ADAM22: variants seen among roughly 807,000 people sequenced by gnomAD.
The protein encoded by ADAM22 is ADAM metallopeptidase domain 22, also known as disintegrin and metalloproteinase domain-containing protein 22.
In ADAM22, 65 loss-of-function variants were observed where a neutral mutation model predicts 144.6. That is an observed-to-expected ratio of 0.45 (90% CI 0.37 to 0.55). ADAM22 has a LOEUF of 0.55. ADAM22 is among the 20% of genes least tolerant of loss of function. The pLI is 0.00. For synonymous variants in ADAM22, 391 were observed against 412.6 expected (o/e 0.95, Z 0.63); for missense variants, 974 against 1,184.9 (o/e 0.82, Z 2.61).
intron 3 of ADAM22, among the ~76,000 whole-genome samples, chr7:88,009,701 C>T (rs948145070): frequency 9.2e-5 from 14 of 152,154 alleles, no homozygotes; most frequent in African/African-American, 3.1e-4. Flanking sequence ...TTATTTTAGA[C>T]ATCTGGTGAC....
intron 31 of ADAM22, among the ~76,000 whole-genome samples, chr7:88,195,497 G>T (rs1341938251): frequency 1.3e-5 from 2 of 151,948 alleles, no homozygotes; most frequent in East Asian, 3.9e-4. Context: ...TTGTGAGAGA[G>T]AACCTTTTAT....
chr7:88,067,808 C>G (rs1383545510), intron 3 of ADAM22, among the ~76,000 whole-genome samples: 1 of 152,088 alleles, frequency 6.6e-6, no homozygotes, highest in Non-Finnish European at 1.5e-5. Flanking sequence ...CAGATTGTGA[C>G]TTCCTCAATA....
chr7:88,184,914 G>C (rs2129538828), intron 29 of ADAM22, among the ~76,000 whole-genome samples: 1 of 152,312 alleles, frequency 6.6e-6, no homozygotes, highest in East Asian at 1.9e-4. Context: ...AGTACTTTGA[G>C]TTTCTAAGAT....
intron 4 of ADAM22, among the ~76,000 whole-genome samples, chr7:88,078,756 GATGAA>G (rs1222775018): frequency 1.2e-4 from 18 of 152,182 alleles, no homozygotes; most frequent in African/African-American, 4.3e-4. Context: ...AGTGATGGAA[GATGAA>G]ATGAATGAAA....
At chr7:87,974,347 T>C (rs1387648970) in intron 2 of ADAM22, among the ~76,000 whole-genome samples, 1 of 151,222 alleles carries the variant, frequency 6.6e-6, no homozygotes, top group African/African-American at 2.4e-5. Flanking sequence ...AGAAGCACCA[T>C]ATTTCTTCTC....
intron 14 of ADAM22, among the ~76,000 whole-genome samples, chr7:88,141,765 G>C (rs1834761121): frequency 6.6e-6 from 1 of 151,778 alleles, no homozygotes; most frequent in Non-Finnish European, 1.5e-5. Flanking sequence ...TCACAGTTTA[G>C]TTATATATAT....
chr7:88,030,597 G>A (rs907860849), intron 3 of ADAM22, among the ~76,000 whole-genome samples: 1 of 152,032 alleles, frequency 6.6e-6, no homozygotes, highest in African/African-American at 2.4e-5. Flanking sequence ...TGTGTGGCTG[G>A]TTTCTAATGG....
At chr7:88,069,924 T>C (rs1382168594) in intron 3 of ADAM22, among the ~76,000 whole-genome samples, 1 of 152,212 alleles carries the variant, frequency 6.6e-6, no homozygotes, top group Admixed American at 6.5e-5. Context: ...TATATGTTGA[T>C]TAAGGCTCTG....
At chr7:88,102,648 T>C (rs1043462313) in intron 4 of ADAM22, among the ~76,000 whole-genome samples, 1 of 152,132 alleles carries the variant, frequency 6.6e-6, no homozygotes, top group African/African-American at 2.4e-5. Flanking sequence ...GATTCTTAGG[T>C]CTTACCTCAG....
intron 11 of ADAM22, chr7:88,131,719 T>G: frequency 2.6e-6 from 1 of 383,686 alleles, no homozygotes. Flanking sequence ...TATAGTATTC[T>G]TAACTACAGA....
chr7:88,060,787 A>G (rs529513052), intron 3 of ADAM22, among the ~76,000 whole-genome samples: 1 of 150,718 alleles, frequency 6.6e-6, no homozygotes, highest in African/African-American at 2.4e-5. Context: ...AAAAACAAAA[A>G]ACACTTTTTT....
At chr7:88,090,399 G>C (rs528253509) in intron 4 of ADAM22, among the ~76,000 whole-genome samples, 1 of 152,068 alleles carries the variant, frequency 6.6e-6, no homozygotes, top group African/African-American at 2.4e-5. Flanking sequence ...TCAGAACCAA[G>C]TTAACCACAA....
chr7:87,951,236 A>T (rs1845053317), intron 2 of ADAM22, among the ~76,000 whole-genome samples: 1 of 142,692 alleles, frequency 7.0e-6, no homozygotes, highest in Non-Finnish European at 1.5e-5. Context: ...CTGAATGGTA[A>T]TGCCTAGGTT....
At chr7:88,075,812 T>C (rs1031898231) in intron 4 of ADAM22, 120 bp downstream of exon 4, 1 of 830,158 alleles carries the variant, frequency 1.2e-6, no homozygotes, top group East Asian at 2.8e-5. Context: ...AAAAATACTT[T>C]ATAATTTGAA....
intron 4 of ADAM22, among the ~76,000 whole-genome samples, chr7:88,080,668 C>T (rs1293046631): frequency 2.6e-5 from 4 of 152,072 alleles, no homozygotes; most frequent in Non-Finnish European, 5.9e-5. Context: ...AAGGTGATAT[C>T]TCCACCGATC....
chr7:87,970,880 T>C (rs920125562), intron 2 of ADAM22, among the ~76,000 whole-genome samples: 4 of 152,236 alleles, frequency 2.6e-5, no homozygotes, highest in Non-Finnish European at 4.4e-5. Flanking sequence ...GTAATTATAC[T>C]GATTTATTAA....
In ADAM22 at chr7:88,194,647, G is replaced by A. The variant is rs112619882; in HGVS notation, c.2874+1408G>A. ...TGACATTCAGGTTTTTCCCAATGTTGTTCATTTGTCCCTCCCTTCTTTCTC... is the reference window on the plus strand; with the variant it reads ...TGACATTCAGGTTTTTCCCAATGTTATTCATTTGTCCCTCCCTTCTTTCTC... On this transcript the variant is annotated intron_variant, in intron 31 of 31. Transcript: ENST00000413139. Among the ~76,000 whole-genome samples, 446 of 152,200 alleles carry A rather than the reference G, an allele frequency of 2.9e-3. 1 individual carries two copies. Among genetic ancestry groups the A allele is most frequent in the African/African-American group, 0.01 (428 of 41,528 alleles).
At chr7:88,030,959 A>G (rs998436816) in intron 3 of ADAM22, among the ~76,000 whole-genome samples, 14 of 152,136 alleles carry the variant, frequency 9.2e-5, no homozygotes, top group African/African-American at 3.4e-4. Flanking sequence ...TACTAAAAAT[A>G]CAAAAAATTA....
At chr7:87,996,492 T>C (rs1198980392) in intron 3 of ADAM22, among the ~76,000 whole-genome samples, 1 of 152,148 alleles carries the variant, frequency 6.6e-6, no homozygotes, top group African/African-American at 2.4e-5. Flanking sequence ...CATGACCTAA[T>C]CACCTCCCAA....
Sources: allele counts gnomAD v4.1 joint callset (sites outside exome capture counted in the v4.1 genomes callset), GRCh38; gene constraint gnomAD v4.1.1; transcripts MANE v1.5; gene names NCBI Gene and HGNC (gene_info 2026-07-23, HGNC 2026-07-21).